Variants in PDXDC1 observed in about 807,000 individuals in gnomAD.
PDXDC1 encodes the protein pyridoxal-dependent decarboxylase domain-containing protein 1.
Under a neutral mutation model 100.1 loss-of-function variants are expected in PDXDC1, and 42 were observed. That is an observed-to-expected ratio of 0.42 (90% CI 0.33 to 0.54). PDXDC1 has a LOEUF of 0.54. Among genes scored for constraint, PDXDC1 ranks in the 20% least tolerant of loss-of-function variants. The pLI, the probability that PDXDC1 is intolerant of heterozygous loss-of-function variation, is 0.10. For missense variants in PDXDC1, 636 were observed against 979.2 expected, an observed-to-expected ratio of 0.65 and a Z score of 4.68; for synonymous variants, 260 against 371.7, an observed-to-expected ratio of 0.70 and a Z score of 3.46.
At chr16:15,124,273 A>C (rs1406623842) in intron 16 of PDXDC1, among the ~76,000 whole-genome samples, 3 of 152,110 alleles carry the variant, frequency 2.0e-5, no homozygotes, top group Non-Finnish European at 4.4e-5. Flanking sequence ...CCTCAGCTAA[A>C]CTTCCCACAG....
intron 16 of PDXDC1, among the ~76,000 whole-genome samples, chr16:15,101,328 GT>G (rs951233369): frequency 6.6e-6 from 1 of 152,098 alleles, no homozygotes; most frequent in Admixed American, 6.6e-5. Context: ...TTGTTTGTTT[GT>G]TTTTTGAGAC....
chr16:15,102,932 G>A (rs1363662782), intron 16 of PDXDC1, among the ~76,000 whole-genome samples: 1 of 147,654 alleles, frequency 6.8e-6, no homozygotes, highest in African/African-American at 2.6e-5. Flanking sequence ...GAGATACGCT[G>A]TCTCAAAGGA....
chr16:15,007,368 G>A (rs1421100309), intron 6 of PDXDC1, among the ~76,000 whole-genome samples: 1 of 152,306 alleles, frequency 6.6e-6, no homozygotes, highest in Admixed American at 6.5e-5. Context: ...TAGAGATGGG[G>A]TTTCACCGTG....
At chr16:15,091,490 A>C (rs1362706061) in intron 16 of PDXDC1, 9 of 687,150 alleles carry the variant, frequency 1.3e-5, no homozygotes, top group Non-Finnish European at 2.0e-5. Flanking sequence ...TAACTTTCAC[A>C]TGTCAATTGC....
chr16:15,094,212 T>G, intron 16 of PDXDC1: 1 of 1,596,466 alleles, frequency 6.3e-7, no homozygotes, highest in Non-Finnish European at 8.5e-7. Flanking sequence ...GGCAAACGCG[T>G]GTGAAGCAGC....
rs569051505 is a variant in PDXDC1, at chr16:15,125,541, G to A, written c.1400-13338G>A. 1.5e-4 allele frequency: 235 copies of A among 1,590,086 alleles called. No homozygotes were observed. In the African/African-American group the frequency reaches 2.1e-3, roughly 14 times the overall value. ...GCACCAGGGCTCGAGGTTTCTCTAG[G>A]GGAACCCACCTCTTAGAATCATCCA... On this transcript the variant is annotated intron_variant, in intron 16 of 16. Coordinates refer to the PDXDC1 transcript ENST00000535621.
chr16:15,011,631 CTTTTTTTTTTT>C, intron 8 of PDXDC1, among the ~76,000 whole-genome samples: 2 of 131,276 alleles, frequency 1.5e-5, no homozygotes, highest in Admixed American at 1.5e-4. Context: ...ACATTTTTTT[CTTTTTTTTTTT>C]TTTTTTTTGT....
chr16:14,993,966 C>T (rs557996969), intron 1 of PDXDC1, among the ~76,000 whole-genome samples: 3 of 152,412 alleles, frequency 2.0e-5, no homozygotes, highest in Non-Finnish European at 4.4e-5. Flanking sequence ...TGTTCATATC[C>T]TTCGCCCACT....
At chr16:15,137,606 C>T (rs1233622115) in intron 16 of PDXDC1, 33 of 1,371,526 alleles carry the variant, frequency 2.4e-5, no homozygotes, top group South Asian at 1.4e-4. Context: ...CACCCCCATC[C>T]GCCCGCCGCA....
intron 16 of PDXDC1, among the ~76,000 whole-genome samples, chr16:15,098,270 A>C (rs1044501668): frequency 6.7e-5 from 10 of 149,104 alleles, no homozygotes; most frequent in Admixed American, 2.7e-4. Context: ...GCACAAGCTC[A>C]GCTCACTGCA....
At chr16:15,039,920 T>A, downstream of PDXDC1, 1 of 1,071,698 alleles carries the variant, frequency 9.3e-7, no homozygotes, top group Non-Finnish European at 1.4e-6. Context: ...CCTTGACATT[T>A]GATGCCTTTT....
At chr16:15,030,464 T>C (rs2042975441) in intron 16 of PDXDC1, among the ~76,000 whole-genome samples, 1 of 130,972 alleles carries the variant, frequency 7.6e-6, no homozygotes, top group South Asian at 2.4e-4. Context: ...GAGAATCACT[T>C]GAACCTGGGA....
chr16:15,055,661 G>A lies in PDXDC1; in HGVS notation c.1399+25605G>A, dbSNP rs532538302. 61 of 359,562 alleles carry A rather than the reference G, an allele frequency of 1.7e-4. No individual in the cohort carries two copies. In the East Asian group the frequency reaches 2.3e-3, roughly 14 times the overall value. The allele number at this position is 359,562 out of a possible 1,614,324, so 22.3% of individuals were successfully genotyped here. Reference sequence around the variant, plus strand: ...CTTGGGCAAGTCACCTAACCTCTCTGGGCCCCCGTCCCCTCCCTTGTCAGA... The same window carrying A: ...CTTGGGCAAGTCACCTAACCTCTCTAGGCCCCCGTCCCCTCCCTTGTCAGA... On this transcript the variant is annotated intron_variant, in intron 16 of 16. Coordinates refer to the PDXDC1 transcript ENST00000535621.
chr16:15,079,030 T>C (rs1044996990), intron 16 of PDXDC1, among the ~76,000 whole-genome samples: 1 of 152,138 alleles, frequency 6.6e-6, no homozygotes, highest in Non-Finnish European at 1.5e-5. Flanking sequence ...CAGGATGGTC[T>C]CGATCTCCTG....
intron 16 of PDXDC1, chr16:15,091,219 A>C: frequency 6.7e-7 from 1 of 1,485,126 alleles, no homozygotes; most frequent in Non-Finnish European, 9.2e-7. Context: ...CCATGGAGAG[A>C]GCAAGTTCTG....
intron 16 of PDXDC1, among the ~76,000 whole-genome samples, chr16:15,110,045 T>G (rs1331850790): frequency 2.0e-5 from 3 of 147,610 alleles, no homozygotes; most frequent in African/African-American, 7.4e-5. Context: ...TCCCAGCTAC[T>G]TGGGAGGCTG....
downstream of PDXDC1, chr16:15,038,697 A>G: frequency 6.9e-7 from 1 of 1,452,814 alleles, no homozygotes; most frequent in Non-Finnish European, 9.6e-7. Context: ...TCTAAAAAAG[A>G]ACGTGTCAAG....
intron 16 of PDXDC1, chr16:15,131,619 G>A (rs2048065640): frequency 3.7e-6 from 6 of 1,600,254 alleles, no homozygotes; most frequent in Non-Finnish European, 5.1e-6. Flanking sequence ...TGTAGGCCTG[G>A]GACGCCACCA....
intron 16 of PDXDC1, among the ~76,000 whole-genome samples, chr16:15,124,765 C>G (rs1056941552): frequency 1.3e-4 from 20 of 150,754 alleles, no homozygotes; most frequent in Non-Finnish European, 2.4e-4. Flanking sequence ...GAGCGAGACT[C>G]TGTCTCAAAA....
Sources: allele counts gnomAD v4.1 joint callset (sites outside exome capture counted in the v4.1 genomes callset), GRCh38; gene constraint gnomAD v4.1.1; transcripts MANE v1.5; gene names NCBI Gene and HGNC (gene_info 2026-07-23, HGNC 2026-07-21).